POU6F2: variants seen among roughly 807,000 people sequenced by gnomAD.
POU6F2 encodes POU domain, class 6, transcription factor 2.
A neutral mutation model predicts 71.3 loss-of-function variants in POU6F2; 31 were observed. The observed-to-expected ratio is 0.43, with a 90% CI of 0.33 to 0.59. The LOEUF is 0.59. Ranked by LOEUF, POU6F2 falls within the 20% of genes least tolerant of loss-of-function variation. POU6F2 has a pLI of 0.04. For synonymous variants in POU6F2, 347 were observed against 355.7 expected, an observed-to-expected ratio of 0.98 and a Z score of 0.27; for missense variants, 783 against 856.8, an observed-to-expected ratio of 0.91 and a Z score of 1.07.
intron 2 of POU6F2, among the ~76,000 whole-genome samples, chr7:39,126,935 G>A (rs970763297): frequency 6.6e-6 from 1 of 152,040 alleles, no homozygotes; most frequent in Admixed American, 6.6e-5. Flanking sequence ...GACCATCACA[G>A]CCCAGTAGAA....
At chr7:39,364,307 T>G (rs1233865849) in intron 5 of POU6F2, among the ~76,000 whole-genome samples, 3 of 152,008 alleles carry the variant, frequency 2.0e-5, no homozygotes, top group African/African-American at 7.3e-5. Context: ...ACAGGTGGTG[T>G]TTGGTTACAT....
intron 1 of POU6F2, among the ~76,000 whole-genome samples, chr7:39,053,446 CT>C (rs1194136219): frequency 6.6e-6 from 1 of 151,982 alleles, no homozygotes; most frequent in Non-Finnish European, 1.5e-5. Flanking sequence ...CTACTTTTCT[CT>C]TTTTTCATAC....
chr7:39,036,953 T>C (rs1404095343), intron 1 of POU6F2, among the ~76,000 whole-genome samples: 1 of 151,880 alleles, frequency 6.6e-6, no homozygotes, highest in African/African-American at 2.4e-5. Flanking sequence ...GTTATATAGG[T>C]AAATTTCGTG....
chr7:39,071,417 C>G (rs1471545332), intron 1 of POU6F2, among the ~76,000 whole-genome samples: 2 of 151,914 alleles, frequency 1.3e-5, no homozygotes, highest in Admixed American at 6.6e-5. Flanking sequence ...GCTGTGTGGC[C>G]CAGTTCCTAA....
chr7:39,091,465 T>C (rs1791362436), intron 2 of POU6F2, among the ~76,000 whole-genome samples: 1 of 152,210 alleles, frequency 6.6e-6, no homozygotes, highest in Non-Finnish European at 1.5e-5. Flanking sequence ...TTGATTACTG[T>C]AATTCTTATA....
chr7:39,229,421 C>T lies in POU6F2; in HGVS notation c.598+21801C>T, dbSNP rs117198154. Among the ~76,000 whole-genome samples, 103 of 152,332 alleles carry T rather than the reference C, an allele frequency of 6.8e-4. 2 individuals are homozygous for T. The East Asian group carries it at 0.018, about 26-fold the overall frequency. ...CTGTCTGGGCCATTCTGCCTTCTCT[C>T]CTTGGTCTAAACCTCCTCTAGAGAA... On this transcript the variant is annotated intron_variant, in intron 4 of 9. Coordinates refer to ENST00000518318, the MANE Select transcript of POU6F2 (RefSeq NM_001370959.1).
At chr7:39,438,334 T>C (rs1275187034) in intron 7 of POU6F2, among the ~76,000 whole-genome samples, 1 of 152,242 alleles carries the variant, frequency 6.6e-6, no homozygotes. Flanking sequence ...ATTTTCTTAA[T>C]CCAGTCTATC....
intron 2 of POU6F2, among the ~76,000 whole-genome samples, chr7:39,172,028 T>G (rs531071684): frequency 6.6e-6 from 1 of 152,270 alleles, no homozygotes; most frequent in Admixed American, 6.5e-5. Context: ...AGCATCATTT[T>G]TACAAAAGGA....
chr7:39,294,852 C>G (rs1784818546), intron 4 of POU6F2, among the ~76,000 whole-genome samples: 1 of 152,138 alleles, frequency 6.6e-6, no homozygotes, highest in Non-Finnish European at 1.5e-5. Flanking sequence ...CAGGGAAGAC[C>G]TCTTATGGGA....
intron 2 of POU6F2, among the ~76,000 whole-genome samples, chr7:39,115,212 T>C (rs1007961079): frequency 6.6e-6 from 1 of 152,148 alleles, no homozygotes; most frequent in African/African-American, 2.4e-5. Flanking sequence ...TGTCCTCATC[T>C]CTCTTCCAGT....
intron 4 of POU6F2, among the ~76,000 whole-genome samples, chr7:39,230,552 G>A (rs1224416183): frequency 2.0e-5 from 3 of 151,806 alleles, no homozygotes; most frequent in Non-Finnish European, 2.9e-5. Context: ...TGCTGAGATA[G>A]TAATACTTGC....
At chr7:39,403,555 C>T (rs1416229881) in intron 5 of POU6F2, among the ~76,000 whole-genome samples, 2 of 152,180 alleles carry the variant, frequency 1.3e-5, no homozygotes, top group East Asian at 3.8e-4. Flanking sequence ...TCCAGTTGGT[C>T]CCGGAACAAT....
intron 4 of POU6F2, among the ~76,000 whole-genome samples, chr7:39,209,619 T>C (rs1057216682): frequency 3.9e-5 from 6 of 152,294 alleles, no homozygotes; most frequent in African/African-American, 1.2e-4. Context: ...ATAAGGATGG[T>C]AATCAGGAAA....
At chr7:39,121,975 A>T (rs1792052980) in intron 2 of POU6F2, among the ~76,000 whole-genome samples, 1 of 152,242 alleles carries the variant, frequency 6.6e-6, no homozygotes, top group Non-Finnish European at 1.5e-5. Context: ...CTGGGATTAT[A>T]GGCATGAGCC....
At chr7:39,201,122 T>G (rs2128744905) in intron 2 of POU6F2, among the ~76,000 whole-genome samples, 1 of 152,326 alleles carries the variant, frequency 6.6e-6, no homozygotes, top group East Asian at 1.9e-4. Flanking sequence ...TCATGAAAGT[T>G]ACATACATAT....
chr7:39,058,405 A>G (rs1790579181), intron 1 of POU6F2, among the ~76,000 whole-genome samples: 1 of 152,220 alleles, frequency 6.6e-6, no homozygotes, highest in African/African-American at 2.4e-5. Flanking sequence ...AGGTAGAGGT[A>G]TGAACCAATC....
At chr7:39,381,270 C>A (rs1353951523) in intron 5 of POU6F2, among the ~76,000 whole-genome samples, 1 of 152,106 alleles carries the variant, frequency 6.6e-6, no homozygotes, top group Non-Finnish European at 1.5e-5. Flanking sequence ...TGGAGTCTCA[C>A]TCTGTTGCCC....
At chr7:39,021,710 A>G (rs1259077676) in intron 1 of POU6F2, among the ~76,000 whole-genome samples, 1 of 152,030 alleles carries the variant, frequency 6.6e-6, no homozygotes, top group Admixed American at 6.6e-5. Context: ...TTTTTACAAA[A>G]GGCACATAGA....
At chr7:39,128,240 A>G (rs548450420) in intron 2 of POU6F2, among the ~76,000 whole-genome samples, 13 of 152,336 alleles carry the variant, frequency 8.5e-5, no homozygotes, top group Non-Finnish European at 1.6e-4. Context: ...GCATACTTTT[A>G]TATTTTAAAA....
Sources: gnomAD v4.1 joint callset for allele counts (sites outside exome capture counted in the v4.1 genomes callset) on GRCh38, gnomAD v4.1.1 for gene constraint, MANE v1.5 for transcripts, NCBI Gene and HGNC (gene_info 2026-07-23, HGNC 2026-07-21) for gene names.